C16orf78: variants seen among roughly 807,000 people sequenced by gnomAD.
C16orf78 encodes the protein uncharacterized protein C16orf78.
Under a neutral mutation model 27.3 loss-of-function variants are expected in C16orf78, and 19 were observed. That is an observed-to-expected ratio of 0.70 (90% CI 0.49 to 1.02). The LOEUF (loss-of-function observed/expected upper bound fraction) is 1.02. C16orf78 is among the 50% of genes least tolerant of loss of function. The pLI is 0.00. For missense variants in C16orf78, 339 were observed against 337.0 expected (o/e 1.01, Z -0.05); for synonymous variants, 130 against 116.1 (o/e 1.12, Z -0.77).
In C16orf78 at chr16:49,399,360, A is replaced by C; in HGVS notation, c.*82A>C. 6.6e-7 allele frequency: 1 copy of C among 1,520,706 alleles called. No individual in the cohort carries two copies. Among genetic ancestry groups the C allele is most frequent in the Non-Finnish European group, 9.0e-7 (1 of 1,114,724 alleles). 94.2% of individuals were successfully genotyped at this position (1,520,706 alleles called of 1,614,324 possible). ...AGATGCCATCCTCTGGCACACTACA[A>C]GTGGTCCTTCCAACTTAGTGCATCC... On this transcript the variant is annotated 3_prime_UTR_variant, in exon 5 of 5. Coordinates refer to ENST00000299191, the MANE Select transcript of C16orf78 (RefSeq NM_144602.4).
At chr16:49,395,719 C>T (rs193297316) in intron 3 of C16orf78, among the ~76,000 whole-genome samples, 7 of 152,292 alleles carry the variant, frequency 4.6e-5, no homozygotes, top group Admixed American at 2.6e-4. Flanking sequence ...ATCAACGATT[C>T]GCCCTTTTAA....
At chr16:49,379,314 T>C (rs192165393) in intron 3 of C16orf78, among the ~76,000 whole-genome samples, 1 of 152,104 alleles carries the variant, frequency 6.6e-6, no homozygotes, top group East Asian at 1.9e-4. Context: ...GTCTTTACTG[T>C]GGTGTTGGAA....
At chr16:49,397,174 T>C (rs1404999978) in intron 4 of C16orf78, among the ~76,000 whole-genome samples, 1 of 152,148 alleles carries the variant, frequency 6.6e-6, no homozygotes, top group Non-Finnish European at 1.5e-5. Context: ...AGAGTCTCCC[T>C]TCTCATTTGC....
chr16:49,385,594 G>T (rs1965339754), intron 3 of C16orf78, among the ~76,000 whole-genome samples: 1 of 151,316 alleles, frequency 6.6e-6, no homozygotes, highest in Non-Finnish European at 1.5e-5. Flanking sequence ...GGCAGAGGTT[G>T]CAGTGAGCCG....
rs74018758 is a variant in C16orf78 at position 49,382,498 on chromosome 16, G to T, written c.394+3905G>T. Among the ~76,000 whole-genome samples, 391 of 152,168 alleles carry T rather than the reference G, an allele frequency of 2.6e-3. 1 individual carries two copies. Among genetic ancestry groups the T allele is most frequent in the African/African-American group, 8.8e-3 (364 of 41,532 alleles). On this transcript the variant is annotated intron_variant, in intron 3 of 4. Coordinates refer to ENST00000299191, the MANE Select transcript of C16orf78 (RefSeq NM_144602.4). Reference sequence around the variant, plus strand: ...TTATACAGCAAACAAATTAGAGATTGATTATTAGACTCCCTTGTTCTTCAA... The same window carrying T: ...TTATACAGCAAACAAATTAGAGATTTATTATTAGACTCCCTTGTTCTTCAA...
Position 49,390,705 on chromosome 16 carries a change from G to A in C16orf78, c.395-5718G>A, listed in dbSNP as rs189724733. Among the ~76,000 whole-genome samples the A allele has an allele frequency of 3.0e-3, 459 of 152,268 alleles. 2 individuals carry two copies. The highest frequency in any genetic ancestry group is 5.4e-3 in the Non-Finnish European group (366 of 68,034). On this transcript the variant is annotated intron_variant, in intron 3 of 4. Transcript: ENST00000299191. ...AGTACTTTCTTTTCCGGCTTGTGCC[G>A]ATTAGTCCTCAGCTGAGAGGAATCT...
chr16:49,386,690 C>T (rs1468728546), intron 3 of C16orf78, among the ~76,000 whole-genome samples: 1 of 152,156 alleles, frequency 6.6e-6, no homozygotes, highest in East Asian at 1.9e-4. Flanking sequence ...TTAGTGAGAG[C>T]ATGCAGTCTT....
intron 4 of C16orf78, 86 bp downstream of exon 4, chr16:49,396,764 T>A: frequency 6.7e-7 from 1 of 1,495,546 alleles, no homozygotes; most frequent in Non-Finnish European, 8.9e-7. Flanking sequence ...ACACCTTGGC[T>A]TAGCCTGAAG....
rs1385859493 is a variant in C16orf78, at chr16:49,384,704, A to C, written c.394+6111A>C. 2.6e-5 allele frequency among the ~76,000 whole-genome samples: 4 copies of C among 152,200 alleles called. No individual in the cohort carries two copies. In the South Asian group the frequency reaches 8.3e-4, roughly 32 times the overall value. On this transcript the variant is annotated intron_variant, in intron 3 of 4. Transcript: ENST00000299191. Reference sequence around the variant, plus strand: ...AGATTCATGAGGCCCAATCATTCCCAAATAGGTTGAACACAAAAAGGTCTG... The same window carrying C: ...AGATTCATGAGGCCCAATCATTCCCCAATAGGTTGAACACAAAAAGGTCTG...
chr16:49,395,499 G>A (rs1206100348), intron 3 of C16orf78, among the ~76,000 whole-genome samples: 1 of 151,850 alleles, frequency 6.6e-6, no homozygotes, highest in East Asian at 1.9e-4. Flanking sequence ...AGTGTTAGCA[G>A]ATTTTAGGTG....
chr16:49,373,990 A>G lies in C16orf78; in HGVS notation c.51A>G (p.Lys17=). The part of the protein sequence containing the change: ...DLKDLMPTKR[K]YMWKTAEDRR... ...AGGATTTAATGCCCACAAAGAGGAA[A>G]TACATGTGGAAGACTGCTGAAGATA... The change falls in exon 1 of 5, where the codon AAA becomes AAG. Residue 17 remains lysine (K), a synonymous_variant. Coordinates refer to ENST00000299191, the MANE Select transcript of C16orf78 (RefSeq NM_144602.4). 2.5e-6 allele frequency: 4 copies of G among 1,614,190 alleles called. No homozygotes were observed. The highest frequency in any genetic ancestry group is 2.5e-6 in the Non-Finnish European group (3 of 1,180,034).
At chr16:49,378,266 G>A (rs980379661) in intron 2 of C16orf78, among the ~76,000 whole-genome samples, 13 of 152,216 alleles carry the variant, frequency 8.5e-5, no homozygotes. Context: ...ATATGGTGGG[G>A]AGAAGAGGGA....
rs143786416 is a variant in C16orf78 at position 49,394,987 on chromosome 16, C to G, written c.395-1436C>G. ...GGCTCGAGCAATCCTCCCACCTCAA[C>G]CTCCCAAGTAGCTAGGATGACAGGC... On this transcript the variant is annotated intron_variant, in intron 3 of 4. Coordinates refer to ENST00000299191, the MANE Select transcript of C16orf78 (RefSeq NM_144602.4). Among the ~76,000 whole-genome samples, 611 of 152,234 alleles carry G rather than the reference C, an allele frequency of 4.0e-3. 4 individuals carry two copies. Among genetic ancestry groups the G allele is most frequent in the African/African-American group, 0.014 (588 of 41,542 alleles).
chr16:49,387,432 T>C (rs1965364950), intron 3 of C16orf78, among the ~76,000 whole-genome samples: 1 of 152,156 alleles, frequency 6.6e-6, no homozygotes, highest in African/African-American at 2.4e-5. Context: ...GTTTCTTCTC[T>C]TGTGCAGATT....
At chr16:49,399,052 A>C in intron 4 of C16orf78, 79 bp from the exon 5 acceptor site, 5 of 1,498,318 alleles carry the variant, frequency 3.3e-6, no homozygotes, top group South Asian at 1.2e-5. Context: ...CTGCTGCTCA[A>C]ATCTAAGCTC....
Position 49,396,391 on chromosome 16 carries a change from C to G in C16orf78, c.395-32C>G, listed in dbSNP as rs548418759. 5 of 1,611,388 alleles carry G rather than the reference C, an allele frequency of 3.1e-6. No individual in the cohort carries two copies. In the Admixed American group the frequency reaches 8.3e-5, roughly 27 times the overall value. ...CCCCACCTCTCACGTCTCCCACGGT[C>G]TAACTCTTTGATGGCATCTGTCCAA... On this transcript the variant is annotated intron_variant, in intron 3 of 4. Coordinates refer to ENST00000299191, the MANE Select transcript of C16orf78 (RefSeq NM_144602.4).
At chr16:49,397,796 C>T (rs1264004860) in intron 4 of C16orf78, among the ~76,000 whole-genome samples, 1 of 152,198 alleles carries the variant, frequency 6.6e-6, no homozygotes, top group African/African-American at 2.4e-5. Context: ...GAGACAGCCT[C>T]TCTCTGTCGC....
At chr16:49,388,688 T>A (rs1002358907) in intron 3 of C16orf78, among the ~76,000 whole-genome samples, 8 of 152,064 alleles carry the variant, frequency 5.3e-5, no homozygotes, top group Non-Finnish European at 1.2e-4. Flanking sequence ...ATTTTTGTAT[T>A]TTTTTTGTAG....
chr16:49,383,361 C>T (rs1965310385), intron 3 of C16orf78, among the ~76,000 whole-genome samples: 1 of 152,218 alleles, frequency 6.6e-6, no homozygotes, highest in Non-Finnish European at 1.5e-5. Flanking sequence ...AAGATAGTCA[C>T]ATACACCATG....
Sources: gnomAD v4.1 joint callset for allele counts (sites outside exome capture counted in the v4.1 genomes callset) on GRCh38, gnomAD v4.1.1 for gene constraint, MANE v1.5 for transcripts, NCBI Gene and HGNC (gene_info 2026-07-23, HGNC 2026-07-21) for gene names.